Variants in HS3ST4 observed in about 807,000 individuals in gnomAD.
HS3ST4 encodes heparan sulfate-glucosamine 3-sulfotransferase 4.
Under a neutral mutation model 29.2 loss-of-function variants are expected in HS3ST4, and 17 were observed. That is an observed-to-expected ratio of 0.58 (90% CI 0.40 to 0.87). The LOEUF is 0.87. Ranked by LOEUF, HS3ST4 falls within the 40% of genes least tolerant of loss-of-function variation. The probability of loss-of-function intolerance (pLI) is 0.00; values close to 1 mark genes in which losing one functional copy is unlikely to be tolerated. For synonymous variants in HS3ST4, 314 were observed against 285.7 expected (o/e 1.10, Z -1.00); for missense variants, 627 against 634.5 (o/e 0.99, Z 0.13).
At chr16:25,699,796 A>G (rs986685270) in intron 1 of HS3ST4, among the ~76,000 whole-genome samples, 1 of 152,196 alleles carries the variant, frequency 6.6e-6, no homozygotes, top group African/African-American at 2.4e-5. Flanking sequence ...TACTTAATAT[A>G]GCTAAGCCTC....
At chr16:25,736,460 CT>C (rs1966610874) in intron 1 of HS3ST4, among the ~76,000 whole-genome samples, 1 of 152,196 alleles carries the variant, frequency 6.6e-6, no homozygotes, top group Non-Finnish European at 1.5e-5. Context: ...ACTGGATGCT[CT>C]GTAAATGTTC....
chr16:25,902,066 CT>C lies in HS3ST4; in HGVS notation c.734+208922del. Among the ~76,000 whole-genome samples, 2 of 152,256 alleles carry C rather than the reference CT, an allele frequency of 1.3e-5. 1 individual carries two copies. Among genetic ancestry groups the C allele is most frequent in the Non-Finnish European group, 2.9e-5 (2 of 68,006 alleles). On this transcript the variant is annotated intron_variant, in intron 1 of 1. Coordinates refer to ENST00000331351, the MANE Select transcript of HS3ST4 (RefSeq NM_006040.3). ...ACGATATGGGTGTTAATCTATTGTT[CT>C]TTTTTTCTGCATTTCCCCATTTCTT... is the stretch of plus-strand genomic sequence containing the variant.
intron 1 of HS3ST4, among the ~76,000 whole-genome samples, chr16:26,054,270 G>GAGAA (rs147714417): frequency 4.0e-5 from 4 of 99,836 alleles, no homozygotes; most frequent in African/African-American, 2.8e-4. Context: ...CAGAGAGAGG[G>GAGAA]AGAGAGAGAG....
chr16:25,769,999 T>G (rs1966839885), intron 1 of HS3ST4, among the ~76,000 whole-genome samples: 1 of 152,214 alleles, frequency 6.6e-6, no homozygotes, highest in Admixed American at 6.5e-5. Flanking sequence ...TGAAAGGATT[T>G]TTTTTACCCC....
chr16:25,990,400 C>T (rs1969104344), intron 1 of HS3ST4, among the ~76,000 whole-genome samples: 1 of 152,210 alleles, frequency 6.6e-6, no homozygotes, highest in Non-Finnish European at 1.5e-5. Context: ...GGTTGTTGCT[C>T]CACATCCTTG....
At chr16:26,115,967 A>G (rs188738673) in intron 1 of HS3ST4, among the ~76,000 whole-genome samples, 2 of 152,378 alleles carry the variant, frequency 1.3e-5, no homozygotes, top group African/African-American at 2.4e-5. Flanking sequence ...GATTCTCTAT[A>G]GCTGCGTAAC....
At chr16:25,719,962 G>A (rs953740524) in intron 1 of HS3ST4, among the ~76,000 whole-genome samples, 7 of 152,128 alleles carry the variant, frequency 4.6e-5, no homozygotes, top group Admixed American at 1.3e-4. Flanking sequence ...CATAGTAAAG[G>A]TTCTTTCCGT....
chr16:25,875,174 G>A (rs1208591923), intron 1 of HS3ST4, among the ~76,000 whole-genome samples: 1 of 152,122 alleles, frequency 6.6e-6, no homozygotes, highest in Non-Finnish European at 1.5e-5. Flanking sequence ...ACCAAGACAA[G>A]TCCAGATAAG....
At chr16:25,697,984 T>G (rs1349403403) in intron 1 of HS3ST4, among the ~76,000 whole-genome samples, 1 of 151,930 alleles carries the variant, frequency 6.6e-6, no homozygotes, top group Non-Finnish European at 1.5e-5. Flanking sequence ...GAGTCCACAT[T>G]TCTACAAGGT....
At chr16:26,047,490 G>A (rs1898284922) in intron 1 of HS3ST4, among the ~76,000 whole-genome samples, 2 of 152,194 alleles carry the variant, frequency 1.3e-5, no homozygotes, top group Non-Finnish European at 2.9e-5. Flanking sequence ...TCTTGCCCAG[G>A]AAGTCTCCCT....
intron 1 of HS3ST4, among the ~76,000 whole-genome samples, chr16:25,952,796 A>G (rs1411628975): frequency 1.3e-5 from 2 of 152,140 alleles, no homozygotes; most frequent in Admixed American, 6.5e-5. Context: ...GGAATTTTAC[A>G]TGTCTTCATG....
chr16:25,739,018 A>G (rs1332114393), intron 1 of HS3ST4, among the ~76,000 whole-genome samples: 1 of 152,072 alleles, frequency 6.6e-6, no homozygotes, highest in African/African-American at 2.4e-5. Flanking sequence ...CTCTATATTC[A>G]GCCCCCAGAA....
At chr16:25,893,248 A>G (rs1458201893) in intron 1 of HS3ST4, among the ~76,000 whole-genome samples, 1 of 152,188 alleles carries the variant, frequency 6.6e-6, no homozygotes, top group African/African-American at 2.4e-5. Context: ...GAAGCCGATG[A>G]AGGATGGTGC....
At chr16:25,895,268 G>A (rs1968048894) in intron 1 of HS3ST4, among the ~76,000 whole-genome samples, 1 of 152,116 alleles carries the variant, frequency 6.6e-6, no homozygotes, top group African/African-American at 2.4e-5. Flanking sequence ...GTATGACCAG[G>A]TAGAGGGATA....
intron 1 of HS3ST4, among the ~76,000 whole-genome samples, chr16:25,897,722 C>T (rs192454975): frequency 4.4e-4 from 67 of 152,202 alleles, no homozygotes; most frequent in African/African-American, 1.5e-3. Context: ...CTCGTTCTGC[C>T]GTTCTGCCTG....
intron 1 of HS3ST4, among the ~76,000 whole-genome samples, chr16:25,792,262 T>C (rs1966870912): frequency 6.6e-6 from 1 of 152,012 alleles, no homozygotes; most frequent in Admixed American, 6.5e-5. Flanking sequence ...TGTTTCTTTC[T>C]TGTACCAGTC....
At chr16:25,820,863 C>A (rs77249898) in intron 1 of HS3ST4, among the ~76,000 whole-genome samples, 3,653 of 151,870 alleles carry the variant, frequency 0.024, 113 homozygotes, top group East Asian at 0.1. Context: ...GAGCCACTGC[C>A]CCTGGCCTAC....
At chr16:26,008,568 C>A (rs1969279996) in intron 1 of HS3ST4, among the ~76,000 whole-genome samples, 1 of 152,192 alleles carries the variant, frequency 6.6e-6, no homozygotes, top group Admixed American at 6.5e-5. Flanking sequence ...CCTGTAATCC[C>A]AGCACTTTGG....
chr16:25,868,129 T>A (rs969528474), intron 1 of HS3ST4, among the ~76,000 whole-genome samples: 4 of 152,060 alleles, frequency 2.6e-5, no homozygotes, highest in African/African-American at 9.7e-5. Flanking sequence ...GCCTTGCTTG[T>A]CTTGTTTCTT....
Sources: gnomAD v4.1 joint callset for allele counts (sites outside exome capture counted in the v4.1 genomes callset) on GRCh38, gnomAD v4.1.1 for gene constraint, MANE v1.5 for transcripts, NCBI Gene and HGNC (gene_info 2026-07-23, HGNC 2026-07-21) for gene names.